DPP10: variants seen among roughly 807,000 people sequenced by gnomAD.
The protein encoded by DPP10 is dipeptidyl peptidase like 10, also known as inactive dipeptidyl peptidase 10.
In DPP10, 33 loss-of-function variants were observed where a neutral mutation model predicts 120.9. The ratio of observed to expected loss-of-function variants is 0.27; its 90% CI spans 0.21 to 0.37. DPP10 has a LOEUF of 0.37. Ranked by LOEUF, DPP10 falls within the 10% of genes least tolerant of loss-of-function variation. DPP10 has a pLI of 1.00. For synonymous variants in DPP10, 337 were observed against 326.1 expected (o/e 1.03, Z -0.36); for missense variants, 816 against 942.8 (o/e 0.87, Z 1.76).
chr2:115,662,668 C>A (rs901082566), intron 5 of DPP10, among the ~76,000 whole-genome samples: 2 of 152,068 alleles, frequency 1.3e-5, no homozygotes, highest in African/African-American at 4.8e-5. Flanking sequence ...AAAGGAAACC[C>A]TTGTACACTG....
chr2:114,599,212 T>G (rs1028508167), intron 1 of DPP10, among the ~76,000 whole-genome samples: 1 of 151,858 alleles, frequency 6.6e-6, no homozygotes, highest in African/African-American at 2.4e-5. Flanking sequence ...AAGAAGAGAA[T>G]GAAGTAGGTT....
chr2:114,534,173 A>G (rs1353754654), intron 1 of DPP10, among the ~76,000 whole-genome samples: 1 of 152,088 alleles, frequency 6.6e-6, no homozygotes, highest in Non-Finnish European at 1.5e-5. Context: ...CTTATGTGTT[A>G]TTCTCTTTTT....
intron 1 of DPP10, among the ~76,000 whole-genome samples, chr2:114,981,433 A>G (rs1700084967): frequency 6.6e-6 from 1 of 152,220 alleles, no homozygotes; most frequent in Non-Finnish European, 1.5e-5. Flanking sequence ...TTTTTACATA[A>G]AAGATATACA....
rs79768412 is a variant in DPP10 at position 114,784,805 on chromosome 2, G to A, written c.60+341967G>A. ...CATATTTTAGAGAAAATTGCAGAAAGCAGTGTTTCCAGTCATTTGCTAACT... is the reference window on the plus strand; with the variant it reads ...CATATTTTAGAGAAAATTGCAGAAAACAGTGTTTCCAGTCATTTGCTAACT... On this transcript the variant is annotated intron_variant, in intron 1 of 25. Transcript: ENST00000410059. Among the ~76,000 whole-genome samples the A allele has an allele frequency of 3.2e-3, 487 of 150,886 alleles. 4 individuals are homozygous for A. Among genetic ancestry groups the A allele is most frequent in the Non-Finnish European group, 6.1e-3 (410 of 67,056 alleles).
At chr2:114,469,040 A>T (rs1448190775) in intron 1 of DPP10, among the ~76,000 whole-genome samples, 1 of 152,220 alleles carries the variant, frequency 6.6e-6, no homozygotes. Context: ...ATTAAAGATC[A>T]TGTTTGTTTT....
At chr2:115,756,999 T>A (rs1159332043) in intron 11 of DPP10, among the ~76,000 whole-genome samples, 1 of 152,140 alleles carries the variant, frequency 6.6e-6, no homozygotes, top group Admixed American at 6.6e-5. Context: ...AGAACCCTCA[T>A]GGCCTAAATA....
At chr2:115,835,021 G>C (rs932915833) in intron 21 of DPP10, among the ~76,000 whole-genome samples, 5 of 151,910 alleles carry the variant, frequency 3.3e-5, no homozygotes, top group Non-Finnish European at 7.4e-5. Flanking sequence ...GGGGGGCGGA[G>C]CTTGCAGTGA....
chr2:114,931,996 A>T (rs1696105441), intron 1 of DPP10, among the ~76,000 whole-genome samples: 1 of 152,232 alleles, frequency 6.6e-6, no homozygotes, highest in African/African-American at 2.4e-5. Context: ...ACAACCTTAG[A>T]GTTCATCAGG....
rs1253012952 is a variant in DPP10, at chr2:115,772,033, G to A, written c.1221+3629G>A. 7.9e-5 allele frequency among the ~76,000 whole-genome samples: 12 copies of A among 150,954 alleles called. No individual in the cohort carries two copies. The East Asian group carries it at 2.3e-3, about 29-fold the overall frequency. ...TTCCTCATTTACAAGAGCTGTCCTT[G>A]TTAAAGTGATTCCAAAGGATACAAA... On this transcript the variant is annotated intron_variant, in intron 13 of 25. Coordinates refer to ENST00000410059, the MANE Select transcript of DPP10 (RefSeq NM_020868.6).
At chr2:115,564,546 G>T (rs577728607) in intron 5 of DPP10, among the ~76,000 whole-genome samples, 1 of 152,142 alleles carries the variant, frequency 6.6e-6, no homozygotes, top group East Asian at 1.9e-4. Flanking sequence ...AGACCTTGTG[G>T]TATTCCAGGA....
At chr2:115,732,992 T>C (rs1054831651) in intron 8 of DPP10, among the ~76,000 whole-genome samples, 17 of 152,046 alleles carry the variant, frequency 1.1e-4, no homozygotes, top group Admixed American at 3.3e-4. Flanking sequence ...TAAATATAAA[T>C]AGGATTTATT....
At chr2:115,029,026 T>C (rs1268266456) in intron 1 of DPP10, among the ~76,000 whole-genome samples, 3 of 152,128 alleles carry the variant, frequency 2.0e-5, no homozygotes, top group African/African-American at 7.2e-5. Flanking sequence ...TGTGTATTTT[T>C]ATTAGAGAAT....
chr2:114,992,484 TA>T (rs547679449), intron 1 of DPP10, among the ~76,000 whole-genome samples: 81 of 152,340 alleles, frequency 5.3e-4, no homozygotes, highest in Admixed American at 1.8e-3. Context: ...GTCTGGTGTT[TA>T]ACACTTAGTC....
chr2:114,533,723 C>T (rs1291225197), intron 1 of DPP10, among the ~76,000 whole-genome samples: 2 of 151,978 alleles, frequency 1.3e-5, no homozygotes, highest in Non-Finnish European at 2.9e-5. Flanking sequence ...GCTAGTTTGC[C>T]CGGGTTTAGA....
chr2:115,751,315 G>A (rs767140864), intron 10 of DPP10, among the ~76,000 whole-genome samples: 8 of 151,822 alleles, frequency 5.3e-5, no homozygotes, highest in East Asian at 3.9e-4. Context: ...CAAAATAATC[G>A]GCTTAAACGA....
At chr2:114,808,590 A>G (rs1684933044) in intron 1 of DPP10, among the ~76,000 whole-genome samples, 1 of 148,110 alleles carries the variant, frequency 6.8e-6, no homozygotes, top group African/African-American at 2.5e-5. Context: ...TTCCAATAGC[A>G]CTTGACATAA....
intron 7 of DPP10, among the ~76,000 whole-genome samples, chr2:115,697,184 G>A (rs1459345910): frequency 6.6e-6 from 1 of 151,880 alleles, no homozygotes; most frequent in Non-Finnish European, 1.5e-5. Flanking sequence ...AAAGATAAGG[G>A]ATATAGAAAA....
At chr2:115,521,211 T>C (rs17044606) in intron 4 of DPP10, among the ~76,000 whole-genome samples, 27,406 of 152,158 alleles carry the variant, frequency 0.18, 3,261 homozygotes, top group East Asian at 0.39. Flanking sequence ...TGGTACACCA[T>C]GTTCATAACT....
At chr2:114,786,980 G>T (rs1682821814) in intron 1 of DPP10, among the ~76,000 whole-genome samples, 1 of 152,098 alleles carries the variant, frequency 6.6e-6, no homozygotes. Context: ...GCCAGACACG[G>T]TTTTAGGAAC....
Sources: gnomAD v4.1 joint callset for allele counts (sites outside exome capture counted in the v4.1 genomes callset) on GRCh38, gnomAD v4.1.1 for gene constraint, MANE v1.5 for transcripts, NCBI Gene and HGNC (gene_info 2026-07-23, HGNC 2026-07-21) for gene names.